The following TDRD12 variants were observed in gnomAD, a reference collection of about 807,000 sequenced individuals.
The protein encoded by TDRD12 is tudor domain containing 12.
A neutral mutation model predicts 133.5 loss-of-function variants in TDRD12; 158 were observed. The observed-to-expected ratio is 1.18, with a 90% confidence interval of 1.04 to 1.35. The LOEUF (loss-of-function observed/expected upper bound fraction) is 1.35, where lower values mean the gene tolerates loss of function less well. Among genes scored for constraint, TDRD12 ranks in the 40% most tolerant of loss-of-function variants. TDRD12 has a pLI of 0.00. For synonymous variants in TDRD12, 460 were observed against 477.9 expected, an observed-to-expected ratio of 0.96 and a Z score of 0.49; for missense variants, 1,443 against 1,321.3, an observed-to-expected ratio of 1.09 and a Z score of -1.43.
chr19:32,785,685 C>G (rs1214259320), intron 11 of TDRD12, among the ~76,000 whole-genome samples: 1 of 151,920 alleles, frequency 6.6e-6, no homozygotes, highest in African/African-American at 2.4e-5. Flanking sequence ...TATGTAATGG[C>G]CTTCTTTATG....
At chr19:32,739,307 C>G (rs1969321256) in intron 3 of TDRD12, among the ~76,000 whole-genome samples, 1 of 146,850 alleles carries the variant, frequency 6.8e-6, no homozygotes, top group Admixed American at 6.8e-5. Context: ...CTCTCTGCAT[C>G]TCATGGCTAC....
chr19:32,747,262 A>T (rs908941561), intron 4 of TDRD12, among the ~76,000 whole-genome samples: 7 of 152,286 alleles, frequency 4.6e-5, no homozygotes, highest in Middle Eastern at 3.4e-3. Context: ...TTTCTTTTTT[A>T]AAAAAGCTAA....
rs56359419 is a variant in TDRD12, at chr19:32,820,332, T to C, written c.3384-701T>C. ...AAGATGTACAAAAACTGAGTCACAT[T>C]GTCACCCACGAGGAAGGGAGCTGGC... is the stretch of plus-strand genomic sequence containing the variant. On this transcript the variant is annotated intron_variant, in intron 27 of 27. Coordinates refer to ENST00000444215, the Ensembl canonical transcript of TDRD12. Among the ~76,000 whole-genome samples, 816 of 152,256 alleles carry C rather than the reference T, an allele frequency of 5.4e-3. 8 individuals carry two copies. The highest frequency in any genetic ancestry group is 0.019 in the African/African-American group (776 of 41,546).
At chr19:32,827,372 C>CTTTTCT (rs61327156) in exon 10 of TDRD12, 27 of 122,404 alleles carry the variant, frequency 2.2e-4, no homozygotes, top group African/African-American at 1.1e-3. Context: ...CTTTTCTTTT[C>CTTTTCT]TTTTTTTTTT....
At chr19:32,789,605 C>T (rs573416997) in intron 11 of TDRD12, among the ~76,000 whole-genome samples, 5 of 152,330 alleles carry the variant, frequency 3.3e-5, no homozygotes, top group African/African-American at 1.2e-4. Context: ...CACAGCATGC[C>T]TTTTCATGAC....
rs145304698 is a variant in TDRD12 at position 32,727,717 on chromosome 19, G to A, written c.25-4008G>A. Among the ~76,000 whole-genome samples, 988 of 151,830 alleles carry A rather than the reference G, an allele frequency of 6.5e-3. 8 individuals are homozygous for A. Among genetic ancestry groups the A allele is most frequent in the African/African-American group, 0.019 (804 of 41,394 alleles). ...AGAGTCTCACTCTGTTACCCAGGCCGGAGTGCAGTGGTGCAATTTCGGCTC... is the reference window on the plus strand; with the variant it reads ...AGAGTCTCACTCTGTTACCCAGGCCAGAGTGCAGTGGTGCAATTTCGGCTC... On this transcript the variant is annotated intron_variant, in intron 1 of 27. Coordinates refer to ENST00000444215, the Ensembl canonical transcript of TDRD12.
At chr19:32,779,702 C>T (rs920898678) in intron 11 of TDRD12, among the ~76,000 whole-genome samples, 1 of 152,246 alleles carries the variant, frequency 6.6e-6, no homozygotes, top group African/African-American at 2.4e-5. Flanking sequence ...CCGCCCAGCC[C>T]GTGGAAATAT....
intron 3 of TDRD12, among the ~76,000 whole-genome samples, chr19:32,740,237 G>C (rs1969376829): frequency 1.1e-5 from 1 of 91,202 alleles, no homozygotes; most frequent in Non-Finnish European, 2.1e-5. Flanking sequence ...CATCTCCTGG[G>C]CACTCTCTGC....
intron 1 of TDRD12, among the ~76,000 whole-genome samples, chr19:32,721,137 C>T (rs1968646981): frequency 6.6e-6 from 1 of 152,150 alleles, no homozygotes; most frequent in Admixed American, 6.5e-5. Context: ...GTGGGCTCTG[C>T]GTGGGCGTTG....
At chr19:32,752,459 C>T (rs1969859895) in intron 6 of TDRD12, among the ~76,000 whole-genome samples, 4 of 152,106 alleles carry the variant, frequency 2.6e-5, no homozygotes, top group South Asian at 4.1e-4. Flanking sequence ...GGATTACAGG[C>T]GTGAGCCACC....
intron 16 of TDRD12, among the ~76,000 whole-genome samples, chr19:32,799,912 C>T (rs1286732414): frequency 1.3e-5 from 2 of 151,252 alleles, no homozygotes; most frequent in Admixed American, 1.3e-4. Context: ...TTTGTTGTAT[C>T]TTTAGTAGAG....
chr19:32,743,230 G>A (rs980723442), intron 4 of TDRD12, among the ~76,000 whole-genome samples: 1 of 152,252 alleles, frequency 6.6e-6, no homozygotes, highest in Non-Finnish European at 1.5e-5. Context: ...TGCCCGGGCT[G>A]TAGTGCAGTT....
At chr19:32,740,442 TCTCTGCATCTCCTGGGTA>T (rs1439614923) in intron 3 of TDRD12, among the ~76,000 whole-genome samples, 6 of 150,864 alleles carry the variant, frequency 4.0e-5, no homozygotes, top group East Asian at 2.0e-4. Context: ...TCCTGGGTAC[TCTCTGCATCTCCTGGGTA>T]CTCTGCATCT....
At chr19:32,826,233 TCTTCTTCTAG>T, downstream of TDRD12, 1 of 1,483,484 alleles carries the variant, frequency 6.7e-7, no homozygotes, top group Non-Finnish European at 9.0e-7. Context: ...CGCAGGTCTT[TCTTCTTCTAG>T]CTTCCACCCA....
chr19:32,729,375 G>T (rs570257308), intron 1 of TDRD12, among the ~76,000 whole-genome samples: 1 of 151,046 alleles, frequency 6.6e-6, no homozygotes, highest in Admixed American at 6.6e-5. Flanking sequence ...CTGCCACCAC[G>T]CCCAGCTAAT....
At chr19:32,760,611 A>T (rs565473159) in intron 8 of TDRD12, among the ~76,000 whole-genome samples, 5 of 152,202 alleles carry the variant, frequency 3.3e-5, no homozygotes, top group Non-Finnish European at 7.3e-5. Context: ...TTATCTCCAG[A>T]TTTTAAAATA....
chr19:32,811,507 T>G, intron 24 of TDRD12, 87 bp downstream of exon 24: 1 of 1,270,398 alleles, frequency 7.9e-7, no homozygotes, highest in Non-Finnish European at 1.1e-6. Flanking sequence ...TGTCTGGATT[T>G]ACAGTGTCAC....
chr19:32,791,214 C>G (rs550896241), intron 13 of TDRD12, 146 bp downstream of exon 13: 2 of 855,066 alleles, frequency 2.3e-6, no homozygotes, highest in African/African-American at 1.7e-5. Flanking sequence ...AGGCATGAGC[C>G]ACCACACTCG....
intron 8 of TDRD12, among the ~76,000 whole-genome samples, chr19:32,767,106 T>G (rs1970320820): frequency 8.1e-6 from 1 of 123,630 alleles, no homozygotes; most frequent in Non-Finnish European, 1.8e-5. Flanking sequence ...ATTTATTTAT[T>G]TATTTATTTA....
Sources: allele counts gnomAD v4.1 joint callset (sites outside exome capture counted in the v4.1 genomes callset), GRCh38; gene constraint gnomAD v4.1.1; transcripts MANE v1.5; gene names NCBI Gene and HGNC (gene_info 2026-07-23, HGNC 2026-07-21).